Variants in ELOVL6 observed in about 807,000 individuals in gnomAD.
ELOVL6 encodes ELOVL fatty acid elongase 6.
ELOVL6 carries 8 observed loss-of-function variants against 31.7 expected under a neutral mutation model. The observed-to-expected ratio is 0.25, with a 90% CI of 0.15 to 0.45. The LOEUF (loss-of-function observed/expected upper bound fraction) is 0.45. Among genes scored for constraint, ELOVL6 ranks in the 20% least tolerant of loss-of-function variants. The pLI, the probability that ELOVL6 is intolerant of heterozygous loss-of-function variation, is 1.00. For synonymous variants in ELOVL6, 101 were observed against 117.7 expected (o/e 0.86, Z 0.92); for missense variants, 126 against 326.4 (o/e 0.39, Z 4.73).
At chr4:110,097,195 A>C (rs1405566625) in intron 2 of ELOVL6, among the ~76,000 whole-genome samples, 1 of 151,294 alleles carries the variant, frequency 6.6e-6, no homozygotes, top group Non-Finnish European at 1.5e-5. Flanking sequence ...AATCCCAGCT[A>C]CTCAGGAGGC....
chr4:110,144,864 A>G (rs924523324), intron 1 of ELOVL6, among the ~76,000 whole-genome samples: 9 of 152,164 alleles, frequency 5.9e-5, no homozygotes, highest in Non-Finnish European at 1.0e-4. Context: ...AGCACTTCAA[A>G]AGATGGAATT....
At chr4:110,147,639 A>G (rs891924387) in intron 1 of ELOVL6, among the ~76,000 whole-genome samples, 1 of 152,028 alleles carries the variant, frequency 6.6e-6, no homozygotes, top group African/African-American at 2.4e-5. Context: ...AAAAATACAA[A>G]AATCAACTGG....
rs62326605 is a variant in ELOVL6 at position 110,160,483 on chromosome 4, T to C, written c.89+37764A>G. 3.4e-3 allele frequency among the ~76,000 whole-genome samples: 519 copies of C among 152,336 alleles called. 1 individual carries two copies. The highest frequency in any genetic ancestry group is 5.4e-3 in the Admixed American group (83 of 15,296). On this transcript the variant is annotated intron_variant, in intron 1 of 3. Transcript: ENST00000302274. ...ACTTATTGGTCTATGGTCTATCTCT[T>C]GTTACTGAAATGAAGTCAGGGATTA...
At chr4:110,167,118 C>T (rs1758800384) in intron 1 of ELOVL6, among the ~76,000 whole-genome samples, 1 of 152,216 alleles carries the variant, frequency 6.6e-6, no homozygotes, top group African/African-American at 2.4e-5. Flanking sequence ...ACCAAACAGT[C>T]TGAATGCACA....
chr4:110,174,164 CTTT>C (rs1332367998), intron 1 of ELOVL6, among the ~76,000 whole-genome samples: 4 of 133,566 alleles, frequency 3.0e-5, no homozygotes, highest in Admixed American at 7.5e-5. Context: ...GAAAGACAGT[CTTT>C]TTTTTTTTTT....
chr4:110,152,712 G>A (rs1022741527), intron 1 of ELOVL6, among the ~76,000 whole-genome samples: 8 of 152,206 alleles, frequency 5.3e-5, no homozygotes, highest in Non-Finnish European at 1.0e-4. Flanking sequence ...CACATACACA[G>A]ATCACACGTA....
chr4:110,083,966 TG>T (rs1755978168), intron 2 of ELOVL6, among the ~76,000 whole-genome samples: 1 of 15,040 alleles, frequency 6.6e-5, no homozygotes, highest in Non-Finnish European at 9.7e-5. Context: ...ATGATATATA[TG>T]ATATAACATA....
rs1754703471 is a variant in ELOVL6 at position 110,046,607 on chromosome 4, G to A, written c.*4731C>T. On this transcript the variant is annotated 3_prime_UTR_variant, in exon 4 of 4. Transcript: ENST00000302274. ...ATGAGGAAAGTAACTTGATTCAACA[G>A]GTTTGTGTATGTTCTTCAAAGCTCT... is the stretch of plus-strand genomic sequence containing the variant. 1 of 152,234 alleles carries A rather than the reference G, an allele frequency of 6.6e-6. No individual in the cohort carries two copies. Among genetic ancestry groups the A allele is most frequent in the African/African-American group, 2.4e-5 (1 of 41,448 alleles). 9.4% of individuals were successfully genotyped at this position (152,234 alleles called of 1,614,324 possible).
chr4:110,068,110 G>A, intron 2 of ELOVL6, among the ~76,000 whole-genome samples: 1 of 152,066 alleles, frequency 6.6e-6, no homozygotes, highest in East Asian at 1.9e-4. Context: ...ACATAAGAAA[G>A]AAAAGTATTA....
chr4:110,072,659 A>G (rs1755524851), intron 2 of ELOVL6, among the ~76,000 whole-genome samples: 1 of 152,084 alleles, frequency 6.6e-6, no homozygotes. Context: ...CTTCTTCAAG[A>G]GAAATCCCAG....
chr4:110,134,501 T>C (rs1192603173), intron 1 of ELOVL6, among the ~76,000 whole-genome samples: 1 of 152,144 alleles, frequency 6.6e-6, no homozygotes, highest in East Asian at 1.9e-4. Context: ...CATTTCAGGC[T>C]GTAAGAACAC....
intron 1 of ELOVL6, among the ~76,000 whole-genome samples, chr4:110,166,340 C>T (rs753739466): frequency 5.3e-5 from 8 of 152,088 alleles, no homozygotes; most frequent in East Asian, 1.9e-4. Flanking sequence ...CAGCCAGGCG[C>T]GGTGGCTCAC....
At chr4:110,057,360 G>A (rs536806388) in intron 3 of ELOVL6, among the ~76,000 whole-genome samples, 1 of 152,068 alleles carries the variant, frequency 6.6e-6, no homozygotes, top group African/African-American at 2.4e-5. Flanking sequence ...GTAGTAAAAG[G>A]TAGAAACTGT....
At chr4:110,100,481 C>G (rs1004227803) in intron 2 of ELOVL6, among the ~76,000 whole-genome samples, 1 of 150,354 alleles carries the variant, frequency 6.7e-6, no homozygotes, top group African/African-American at 2.4e-5. Flanking sequence ...GAAGAGGTTT[C>G]TTTTGTTTGT....
intron 3 of ELOVL6, among the ~76,000 whole-genome samples, chr4:110,053,854 G>A (rs1204707828): frequency 1.3e-5 from 2 of 151,914 alleles, no homozygotes; most frequent in African/African-American, 4.8e-5. Context: ...CAGGAGAATG[G>A]CATGAACCCG....
At chr4:110,068,063 G>GA (rs1755358051) in intron 2 of ELOVL6, among the ~76,000 whole-genome samples, 2 of 151,484 alleles carry the variant, frequency 1.3e-5, no homozygotes, top group East Asian at 1.9e-4. Flanking sequence ...ATCAATAACT[G>GA]AAAAAAGGAC....
At position 110,050,945 on chromosome 4, in the gene ELOVL6, T is replaced by C. The variant is rs1754821680; in HGVS notation, c.*393A>G. ...GTGTGTGTTGTGCTCGCACAGTTTC[T>C]AGAGTAAAAATCTTTCATCTTAGAG... On this transcript the variant is annotated 3_prime_UTR_variant, in exon 4 of 4. Coordinates refer to ENST00000302274, the MANE Select transcript of ELOVL6 (RefSeq NM_024090.3). 1 of 205,942 alleles carries C rather than the reference T, an allele frequency of 4.9e-6. No individual in the cohort carries two copies. The highest frequency in any genetic ancestry group is 9.9e-6 in the Non-Finnish European group (1 of 100,878). The allele number at this position is 205,942 out of a possible 1,614,324, so 12.8% of individuals were successfully genotyped here. A position where few individuals can be genotyped will look rare whatever the true frequency, so the allele number is the denominator to read the frequency against.
intron 3 of ELOVL6, among the ~76,000 whole-genome samples, chr4:110,056,078 A>G (rs572276767): frequency 4.5e-4 from 64 of 140,884 alleles, no homozygotes; most frequent in African/African-American, 1.5e-3. Context: ...AATAATATGT[A>G]TATTTTACTG....
At chr4:110,115,100 T>A (rs1020218525) in intron 1 of ELOVL6, among the ~76,000 whole-genome samples, 2 of 152,132 alleles carry the variant, frequency 1.3e-5, no homozygotes, top group Admixed American at 6.6e-5. Context: ...AAACATGGCA[T>A]GTTTTCACGT....
Sources: gnomAD v4.1 joint callset for allele counts (sites outside exome capture counted in the v4.1 genomes callset) on GRCh38, gnomAD v4.1.1 for gene constraint, MANE v1.5 for transcripts, NCBI Gene and HGNC (gene_info 2026-07-23, HGNC 2026-07-21) for gene names.